The following COBL variants were observed in gnomAD, a reference collection of about 807,000 sequenced individuals.
COBL encodes cordon-bleu WH2 repeat protein.
COBL carries 51 observed loss-of-function variants against 98.8 expected under a neutral mutation model. The ratio of observed to expected loss-of-function variants is 0.52; its 90% CI spans 0.41 to 0.65. COBL has a LOEUF of 0.65. Ranked by LOEUF, COBL falls within the 30% of genes least tolerant of loss-of-function variation. COBL has a pLI of 0.00. For synonymous variants in COBL, 634 were observed against 651.7 expected (o/e 0.97, Z 0.41); for missense variants, 1,617 against 1,617.5 (o/e 1.00, Z 0.01).
rs572689062 is a variant in COBL at position 51,209,046 on chromosome 7, TAAA to T, written c.245+10692_245+10694del. 5.0e-3 allele frequency among the ~76,000 whole-genome samples: 217 copies of T among 43,410 alleles called. 5 individuals are homozygous for T. The South Asian group carries it at 0.097, about 19-fold the overall frequency. 28.5% of individuals were successfully genotyped at this position (43,410 alleles called of 152,430 possible). A position where few individuals can be genotyped will look rare whatever the true frequency, so the allele number is the denominator to read the frequency against. ...TGAGAAACACCCAAGAATGATCAAT[TAAA>T]AAAAAAAAAAAAAAAAAAAAAAACA... On this transcript the variant is annotated intron_variant, in intron 2 of 12. Transcript: ENST00000265136.
intron 2 of COBL, among the ~76,000 whole-genome samples, chr7:51,213,973 G>A (rs1792744834): frequency 6.6e-6 from 1 of 152,100 alleles, no homozygotes; most frequent in Admixed American, 6.5e-5. Context: ...ACTGTTAAAA[G>A]ACAATGCTGG....
intron 5 of COBL, among the ~76,000 whole-genome samples, chr7:51,157,089 A>G (rs1349654712): frequency 6.6e-6 from 1 of 152,192 alleles, no homozygotes; most frequent in Non-Finnish European, 1.5e-5. Context: ...GGCCAGGGCT[A>G]GCCAGACACG....
At chr7:51,124,653 G>T (rs1212662179) in intron 6 of COBL, among the ~76,000 whole-genome samples, 1 of 152,154 alleles carries the variant, frequency 6.6e-6, no homozygotes, top group Non-Finnish European at 1.5e-5. Flanking sequence ...AGCGTTCTCT[G>T]TATTTTGGGG....
intron 7 of COBL, among the ~76,000 whole-genome samples, chr7:51,058,199 T>G (rs980840248): frequency 9.9e-5 from 15 of 152,192 alleles, no homozygotes; most frequent in Admixed American, 1.3e-4. Flanking sequence ...TCTATGTTTA[T>G]GTATGCACTT....
chr7:51,086,565 C>T (rs1460127184), intron 6 of COBL, among the ~76,000 whole-genome samples: 1 of 151,706 alleles, frequency 6.6e-6, no homozygotes, highest in Non-Finnish European at 1.5e-5. Flanking sequence ...GGTTTATTAA[C>T]TCATGCTTGC....
intron 6 of COBL, among the ~76,000 whole-genome samples, chr7:51,097,720 T>C (rs1795401196): frequency 6.6e-6 from 1 of 152,010 alleles, no homozygotes; most frequent in Non-Finnish European, 1.5e-5. Flanking sequence ...AATAATAAAA[T>C]ACTTAGAAAT....
intron 5 of COBL, among the ~76,000 whole-genome samples, chr7:51,168,676 A>G (rs1446243535): frequency 6.6e-6 from 1 of 152,202 alleles, no homozygotes; most frequent in African/African-American, 2.4e-5. Flanking sequence ...GTGAGAATGT[A>G]AATTGGCATA....
At chr7:51,279,425 CA>C (rs2129174486) in intron 1 of COBL, among the ~76,000 whole-genome samples, 1 of 152,212 alleles carries the variant, frequency 6.6e-6, no homozygotes, top group East Asian at 1.9e-4. Context: ...CCAGGTTCTC[CA>C]ATTATTTTAA....
At chr7:51,017,663 G>C (rs2128853508) in intron 12 of COBL, 95 bp from the exon 13 acceptor site, 6 of 1,280,338 alleles carry the variant, frequency 4.7e-6, no homozygotes, top group Admixed American at 3.4e-5. Flanking sequence ...AGCCACTCTT[G>C]CAATAGTACT....
rs115799733 is a variant in COBL at position 51,163,710 on chromosome 7, T to A, written c.783+20392A>T. On this transcript the variant is annotated intron_variant, in intron 5 of 12. Coordinates refer to ENST00000265136, the MANE Select transcript of COBL (RefSeq NM_015198.5). ...TATTCAATCATGTAGCTATACCACA[T>A]CTTCATGTACCATAGCTTCATCTAC... 2.7e-3 allele frequency among the ~76,000 whole-genome samples: 410 copies of A among 152,330 alleles called. 4 individuals carry two copies. The highest frequency in any genetic ancestry group is 9.5e-3 in the African/African-American group (393 of 41,564).
intron 7 of COBL, among the ~76,000 whole-genome samples, chr7:51,050,211 T>C (rs1308993235): frequency 6.6e-6 from 1 of 152,196 alleles, no homozygotes; most frequent in East Asian, 1.9e-4. Flanking sequence ...AAATTAGACC[T>C]GGATTCTCTT....
chr7:51,264,781 G>GC (rs552837752), intron 1 of COBL, among the ~76,000 whole-genome samples: 126 of 152,128 alleles, frequency 8.3e-4, no homozygotes, highest in Non-Finnish European at 1.5e-3. Flanking sequence ...GAGGTAGAGG[G>GC]CAAGTGGGGT....
intron 1 of COBL, among the ~76,000 whole-genome samples, chr7:51,314,067 T>C (rs1409286097): frequency 6.6e-6 from 1 of 152,232 alleles, no homozygotes; most frequent in Non-Finnish European, 1.5e-5. Flanking sequence ...TTTGTGTTTT[T>C]CACAAAGATA....
intron 6 of COBL, among the ~76,000 whole-genome samples, chr7:51,122,608 A>G (rs1562937814): frequency 6.6e-6 from 1 of 152,240 alleles, no homozygotes. Flanking sequence ...ATTAGTATCA[A>G]TTCAGTTATT....
intron 2 of COBL, among the ~76,000 whole-genome samples, chr7:51,211,870 C>G (rs998662573): frequency 2.0e-5 from 3 of 152,150 alleles, no homozygotes; most frequent in East Asian, 3.9e-4. Flanking sequence ...TCATCTCTCT[C>G]CTTCTCTCTC....
At chr7:51,260,029 G>A in intron 1 of COBL, 1 of 799,208 alleles carries the variant, frequency 1.3e-6, no homozygotes. Context: ...TTTAACTTGA[G>A]CCCTTTTCCT....
chr7:51,242,470 T>C (rs1463257928), intron 1 of COBL, among the ~76,000 whole-genome samples: 2 of 152,202 alleles, frequency 1.3e-5, no homozygotes, highest in Non-Finnish European at 2.9e-5. Context: ...CTGGACACCC[T>C]CTGCTGGTAT....
At chr7:51,056,026 A>G (rs1401379230) in intron 7 of COBL, among the ~76,000 whole-genome samples, 6 of 152,202 alleles carry the variant, frequency 3.9e-5, no homozygotes, top group Non-Finnish European at 8.8e-5. Context: ...ACTTGTCCCA[A>G]AATGCCCTCA....
intron 7 of COBL, among the ~76,000 whole-genome samples, chr7:51,070,094 G>A (rs747337583): frequency 7.2e-5 from 11 of 151,948 alleles, no homozygotes; most frequent in Admixed American, 1.3e-4. Flanking sequence ...AGCCTTTAAG[G>A]GTAAAATCAA....
Sources: gnomAD v4.1 joint callset for allele counts (sites outside exome capture counted in the v4.1 genomes callset) on GRCh38, gnomAD v4.1.1 for gene constraint, MANE v1.5 for transcripts, NCBI Gene and HGNC (gene_info 2026-07-23, HGNC 2026-07-21) for gene names.